The following PCBP3 variants were observed in gnomAD, a reference collection of about 807,000 sequenced individuals.
PCBP3 encodes the protein poly(rC) binding protein 3, also known as poly(rC)-binding protein 3.
In PCBP3, 25 loss-of-function variants were observed where a neutral mutation model predicts 52.7. The observed-to-expected ratio is 0.47, with a 90% confidence interval of 0.35 to 0.66. The LOEUF (loss-of-function observed/expected upper bound fraction) is 0.66, where lower values mean the gene tolerates loss of function less well. Ranked by LOEUF, PCBP3 falls within the 30% of genes least tolerant of loss-of-function variation. PCBP3 has a pLI of 0.01. For synonymous variants in PCBP3, 162 were observed against 183.0 expected, an observed-to-expected ratio of 0.89 and a Z score of 0.93; for missense variants, 391 against 490.3, an observed-to-expected ratio of 0.80 and a Z score of 1.91.
At chr21:45,778,531 T>C (rs1382495248) in intron 4 of PCBP3, among the ~76,000 whole-genome samples, 1 of 152,112 alleles carries the variant, frequency 6.6e-6, no homozygotes, top group Non-Finnish European at 1.5e-5. Context: ...TCCTAGGCAA[T>C]GTACATTTAT....
At chr21:45,871,585 G>C (rs548687852) in intron 5 of PCBP3, 1 of 152,400 alleles carries the variant, frequency 6.6e-6, no homozygotes, top group Non-Finnish European at 1.5e-5. Flanking sequence ...AAGGAGAAGC[G>C]AGTGGCCCCT....
At chr21:45,913,253 G>GT (rs1217774329) in intron 11 of PCBP3, among the ~76,000 whole-genome samples, 2 of 152,352 alleles carry the variant, frequency 1.3e-5, no homozygotes, top group Admixed American at 6.5e-5. Flanking sequence ...AAACCTCATC[G>GT]TAACTATGGG....
At chr21:45,816,376 C>G (rs954556794) in intron 4 of PCBP3, among the ~76,000 whole-genome samples, 16 of 149,642 alleles carry the variant, frequency 1.1e-4, no homozygotes, top group African/African-American at 3.7e-4. Flanking sequence ...TTGTATGCAG[C>G]TACGCCAAAA....
chr21:45,665,184 T>C (rs1171346276), intron 1 of PCBP3, among the ~76,000 whole-genome samples: 1 of 151,982 alleles, frequency 6.6e-6, no homozygotes, highest in Non-Finnish European at 1.5e-5. Flanking sequence ...GGAGGATCAC[T>C]TGAGGCCAGG....
intron 4 of PCBP3, among the ~76,000 whole-genome samples, chr21:45,819,856 T>C (rs951972423): frequency 6.6e-6 from 1 of 152,214 alleles, no homozygotes; most frequent in South Asian, 2.1e-4. Flanking sequence ...GCTCCGTCTG[T>C]CATGTTAATT....
intron 2 of PCBP3, among the ~76,000 whole-genome samples, chr21:45,695,448 T>C (rs1166225798): frequency 6.6e-6 from 1 of 152,156 alleles, no homozygotes. Context: ...CAGCACTGGC[T>C]CCAGCCTCAA....
At chr21:45,856,679 C>T (rs1220668198) in intron 5 of PCBP3, among the ~76,000 whole-genome samples, 1 of 151,888 alleles carries the variant, frequency 6.6e-6, no homozygotes, top group Non-Finnish European at 1.5e-5. Flanking sequence ...AGAAAAAAGT[C>T]CAACTCTGTA....
At chr21:45,757,890 C>CTT (rs35441018) in intron 4 of PCBP3, among the ~76,000 whole-genome samples, 1 of 143,822 alleles carries the variant, frequency 7.0e-6, no homozygotes, top group Non-Finnish European at 1.5e-5. Context: ...TATATATATT[C>CTT]TTTTTTTTTT....
intron 2 of PCBP3, among the ~76,000 whole-genome samples, chr21:45,707,179 T>A (rs1164267628): frequency 6.6e-6 from 1 of 152,188 alleles, no homozygotes; most frequent in Non-Finnish European, 1.5e-5. Context: ...TCTAGGTCAG[T>A]GCTTCTGAAA....
Position 45,833,670 on chromosome 21 carries a change from C to T in PCBP3, c.-125-16291C>T, listed in dbSNP as rs558440716. Among the ~76,000 whole-genome samples the T allele has an allele frequency of 9.7e-4, 148 of 152,330 alleles. 2 individuals are homozygous for T. Among genetic ancestry groups the T allele is most frequent in the Non-Finnish European group, 1.9e-3 (126 of 68,032 alleles). ...GGATGGTGCCCAGGCCTAGTGTATG[C>T]GCCCATGAATGTGAGTGGCCAGTGC... On this transcript the variant is annotated intron_variant, in intron 4 of 17. Coordinates refer to ENST00000681687, the MANE Select transcript of PCBP3 (RefSeq NM_001384156.1).
intron 5 of PCBP3, among the ~76,000 whole-genome samples, chr21:45,887,222 C>G (rs1208236496): frequency 6.6e-6 from 1 of 152,228 alleles, no homozygotes; most frequent in Admixed American, 6.5e-5. Context: ...TTTCAGTCTT[C>G]TTGTGTTTGT....
intron 13 of PCBP3, chr21:45,918,697 T>A (rs55959976): frequency 7.0e-5 from 9 of 128,658 alleles, no homozygotes; most frequent in South Asian, 2.4e-4. Context: ...GGGGAAGAAG[T>A]TACTCTCAGA....
intron 5 of PCBP3, among the ~76,000 whole-genome samples, chr21:45,894,498 G>C (rs373304459): frequency 4.6e-5 from 7 of 152,328 alleles, no homozygotes; most frequent in African/African-American, 1.7e-4. Flanking sequence ...TGTGCACACA[G>C]AGGTGCTTCT....
chr21:45,679,312 G>C (rs935105113), intron 2 of PCBP3, among the ~76,000 whole-genome samples: 80 of 152,180 alleles, frequency 5.3e-4, no homozygotes, highest in African/African-American at 1.7e-3. Flanking sequence ...GTAGAGACGA[G>C]GTTTCGCCAT....
chr21:45,752,637 A>T (rs958437286), intron 3 of PCBP3, among the ~76,000 whole-genome samples: 3 of 151,934 alleles, frequency 2.0e-5, no homozygotes, highest in African/African-American at 7.2e-5. Context: ...ATATTTATAT[A>T]TACATAATTT....
chr21:45,747,943 C>G (rs1217071269), intron 3 of PCBP3: 3 of 152,206 alleles, frequency 2.0e-5, no homozygotes, highest in Non-Finnish European at 2.9e-5. Context: ...AGGTTGAGAT[C>G]AGATTGCAGC....
At chr21:45,766,370 A>G (rs1021146750) in intron 4 of PCBP3, among the ~76,000 whole-genome samples, 1 of 152,248 alleles carries the variant, frequency 6.6e-6, no homozygotes, top group Non-Finnish European at 1.5e-5. Flanking sequence ...TACTGAGGTC[A>G]TAAGGGTGGG....
chr21:45,790,458 C>T (rs1016026591), intron 4 of PCBP3, among the ~76,000 whole-genome samples: 4 of 152,110 alleles, frequency 2.6e-5, no homozygotes, highest in African/African-American at 9.7e-5. Flanking sequence ...GATAGAGAGA[C>T]CCAGGAGAGG....
chr21:45,694,039 C>T (rs2082630694), intron 2 of PCBP3, among the ~76,000 whole-genome samples: 1 of 152,030 alleles, frequency 6.6e-6, no homozygotes, highest in Non-Finnish European at 1.5e-5. Context: ...TAATTGAAAT[C>T]TCTTAGATAA....
Sources: gnomAD v4.1 joint callset for allele counts (sites outside exome capture counted in the v4.1 genomes callset) on GRCh38, gnomAD v4.1.1 for gene constraint, MANE v1.5 for transcripts, NCBI Gene and HGNC (gene_info 2026-07-23, HGNC 2026-07-21) for gene names.